Variants in GPHN observed in about 807,000 individuals in gnomAD.
GPHN encodes the protein gephyrin.
In GPHN, 17 loss-of-function variants were observed where a neutral mutation model predicts 95.5. The ratio of observed to expected loss-of-function variants is 0.18; its 90% CI spans 0.12 to 0.27. The LOEUF is 0.27. GPHN is among the 10% of genes least tolerant of loss of function. GPHN has a pLI of 1.00. For synonymous variants in GPHN, 320 were observed against 322.5 expected, an observed-to-expected ratio of 0.99 and a Z score of 0.08; for missense variants, 660 against 978.1, an observed-to-expected ratio of 0.67 and a Z score of 4.34.
the GPHN span, among the ~76,000 whole-genome samples, chr14:67,187,233 A>C: frequency 6.6e-6 from 1 of 152,214 alleles, no homozygotes; most frequent in African/African-American, 2.4e-5. Context: ...TCATTTACTA[A>C]ACAGTTGAAT....
chr14:67,627,886 T>C, the GPHN span, among the ~76,000 whole-genome samples: 1 of 152,260 alleles, frequency 6.6e-6, no homozygotes, highest in Non-Finnish European at 1.5e-5. Context: ...AGCTAAATTA[T>C]TGGAATGAGC....
the GPHN span, among the ~76,000 whole-genome samples, chr14:67,425,990 C>CT: frequency 6.6e-6 from 1 of 151,964 alleles, no homozygotes; most frequent in African/African-American, 2.4e-5. Flanking sequence ...AGTGATCCTC[C>CT]TGCCTCAGCC....
chr14:67,029,284 CTACTAGTAA>C (rs1206178860), intron 10 of GPHN, among the ~76,000 whole-genome samples: 8 of 151,526 alleles, frequency 5.3e-5, no homozygotes, highest in Admixed American at 2.0e-4. Flanking sequence ...ACTACTAGTA[CTACTAGTAA>C]TACTATGATT....
chr14:66,929,255 T>C (rs2066652449), intron 8 of GPHN, among the ~76,000 whole-genome samples: 1 of 152,096 alleles, frequency 6.6e-6, no homozygotes, highest in South Asian at 2.1e-4. Flanking sequence ...GGTTTCACCA[T>C]GTTGGCCAGG....
At position 67,161,828 on chromosome 14, in the gene GPHN, G is replaced by A. The variant is rs2081997788; in HGVS notation, c.1910+2340G>A. The stretch of plus-strand genomic sequence containing the variant: ...ACGACTTGCCCTTACCTCTAGAGAA[G>A]AGTTATTTGTGTAATATCTATCATT... On this transcript the variant is annotated intron_variant, in intron 19 of 22. Transcript: ENST00000478722. Among the ~76,000 whole-genome samples the A allele has an allele frequency of 2.0e-5, 3 of 152,176 alleles. No individual in the cohort carries two copies. In the South Asian group the frequency reaches 6.2e-4, roughly 32 times the overall value.
At chr14:67,444,874 C>T in the GPHN span, among the ~76,000 whole-genome samples, 1 of 152,168 alleles carries the variant, frequency 6.6e-6, no homozygotes, top group African/African-American at 2.4e-5. Flanking sequence ...ATTCTCCTGC[C>T]TCAGCCTCCT....
the GPHN span, among the ~76,000 whole-genome samples, chr14:67,257,918 A>G: frequency 6.6e-6 from 1 of 152,160 alleles, no homozygotes; most frequent in Non-Finnish European, 1.5e-5. Context: ...GGGGCCCCTT[A>G]TATGGAGTGT....
chr14:67,414,040 G>A, the GPHN span, among the ~76,000 whole-genome samples: 1 of 152,214 alleles, frequency 6.6e-6, no homozygotes, highest in Non-Finnish European at 1.5e-5. Flanking sequence ...GAGAGGTTGA[G>A]CTGGGAAGTT....
the GPHN span, among the ~76,000 whole-genome samples, chr14:67,235,207 G>A: frequency 6.6e-6 from 1 of 151,544 alleles, no homozygotes. Flanking sequence ...TCAGTCACAG[G>A]TATTCACATG....
chr14:67,067,143 A>T (rs1039300042), intron 11 of GPHN, among the ~76,000 whole-genome samples: 3 of 152,056 alleles, frequency 2.0e-5, no homozygotes, highest in African/African-American at 4.8e-5. Context: ...GTTGATGGTG[A>T]TGCTATTCCT....
intron 5 of GPHN, among the ~76,000 whole-genome samples, chr14:66,885,839 A>T (rs960002288): frequency 5.4e-5 from 4 of 74,034 alleles, no homozygotes; most frequent in Non-Finnish European, 8.1e-5. Flanking sequence ...ATAACAATTT[A>T]AAAAAAAAAA....
chr14:66,546,641 G>A (rs934312473), intron 1 of GPHN, among the ~76,000 whole-genome samples: 27 of 152,190 alleles, frequency 1.8e-4, no homozygotes, highest in African/African-American at 5.1e-4. Context: ...GCGTGGCGGC[G>A]CGTGCCTGCA....
At chr14:67,551,225 C>T in the GPHN span, among the ~76,000 whole-genome samples, 1 of 152,212 alleles carries the variant, frequency 6.6e-6, no homozygotes. Context: ...AAGCAGGACA[C>T]TCTGGAGAGA....
intron 4 of GPHN, among the ~76,000 whole-genome samples, chr14:66,841,041 A>G (rs1293035613): frequency 5.6e-5 from 8 of 142,980 alleles, no homozygotes; most frequent in East Asian, 2.0e-4. Context: ...ATAGGTATAG[A>G]TATAGATATA....
intron 13 of GPHN, among the ~76,000 whole-genome samples, chr14:67,101,669 C>T (rs2077702837): frequency 2.0e-5 from 3 of 151,476 alleles, no homozygotes. Context: ...CTGAAGGATA[C>T]TTGCAATACA....
the GPHN span, among the ~76,000 whole-genome samples, chr14:67,390,037 T>G: frequency 1.3e-5 from 2 of 152,214 alleles, no homozygotes; most frequent in East Asian, 1.9e-4. Flanking sequence ...CAACAAAAAC[T>G]AATGAAAGTC....
chr14:67,014,589 T>C (rs2073197609), intron 9 of GPHN, among the ~76,000 whole-genome samples: 1 of 152,202 alleles, frequency 6.6e-6, no homozygotes, highest in African/African-American at 2.4e-5. Context: ...TGATTGATAG[T>C]GTACAGATAA....
the GPHN span, among the ~76,000 whole-genome samples, chr14:67,523,264 C>T: frequency 6.7e-6 from 1 of 149,616 alleles, no homozygotes; most frequent in Admixed American, 6.7e-5. Context: ...GCTGAGGTTG[C>T]AGTGAGCCAA....
the GPHN span, chr14:67,648,118 C>T: frequency 6.2e-7 from 1 of 1,613,918 alleles, no homozygotes; most frequent in South Asian, 1.1e-5. Context: ...GCCACAGGAA[C>T]TCCTGTTGTC....
Sources: allele counts gnomAD v4.1 joint callset (sites outside exome capture counted in the v4.1 genomes callset), GRCh38; gene constraint gnomAD v4.1.1; transcripts MANE v1.5; gene names NCBI Gene and HGNC (gene_info 2026-07-23, HGNC 2026-07-21).